Variants in GRIA3 observed in about 807,000 individuals in gnomAD.
GRIA3 encodes the protein glutamate receptor 3.
GRIA3 carries 3 observed loss-of-function variants against 63.0 expected under a neutral mutation model. The ratio of observed to expected loss-of-function variants is 0.05; its 90% CI spans 0.02 to 0.12. GRIA3 has a LOEUF of 0.12. Among genes scored for constraint, GRIA3 ranks in the 10% least tolerant of loss-of-function variants. The probability of loss-of-function intolerance (pLI) is 1.00; values close to 1 mark genes in which losing one functional copy is unlikely to be tolerated. For synonymous variants in GRIA3, 274 were observed against 257.9 expected (o/e 1.06, Z -0.60); for missense variants, 347 against 700.9 (o/e 0.50, Z 5.70).
At chrX:123,298,436 G>A (rs1349466059) in intron 3 of GRIA3, among the ~76,000 whole-genome samples, 1 of 111,371 alleles carries the variant, frequency 9.0e-6, no homozygotes, top group Admixed American at 9.5e-5. Flanking sequence ...GACTGTTGTG[G>A]CATGGTATCT....
intron 5 of GRIA3, among the ~76,000 whole-genome samples, chrX:123,372,927 C>A (rs2045257638): frequency 9.3e-6 from 1 of 107,633 alleles, no homozygotes; most frequent in African/African-American, 3.4e-5. Flanking sequence ...TACATGTGCA[C>A]AACATGCAGG....
chrX:123,208,739 G>A (rs149750202), intron 2 of GRIA3, among the ~76,000 whole-genome samples: 1 of 111,949 alleles, frequency 8.9e-6, no homozygotes, highest in African/African-American at 3.2e-5. Context: ...AACACAGCTA[G>A]TCTAAGTAGT....
chrX:123,399,033 G>T (rs774124304), intron 7 of GRIA3, among the ~76,000 whole-genome samples: 20 of 110,071 alleles, frequency 1.8e-4, no homozygotes, highest in African/African-American at 5.9e-4. Context: ...TAAATTTAGG[G>T]CAAATGAATT....
At chrX:123,199,351 C>A (rs1927665621) in intron 2 of GRIA3, among the ~76,000 whole-genome samples, 1 of 104,213 alleles carries the variant, frequency 9.6e-6, no homozygotes, top group Non-Finnish European at 2.0e-5. Context: ...TCCAGCAGGC[C>A]GAAACCTGGG....
At chrX:123,426,287 G>T (rs2045589157) in intron 11 of GRIA3, among the ~76,000 whole-genome samples, 1 of 111,924 alleles carries the variant, frequency 8.9e-6, no homozygotes, top group African/African-American at 3.2e-5. Context: ...ACACTGTGAA[G>T]GAGATGAAGT....
At chrX:123,425,087 A>G (rs943239671) in intron 11 of GRIA3, among the ~76,000 whole-genome samples, 6 of 111,926 alleles carry the variant, frequency 5.4e-5, no homozygotes, top group Non-Finnish European at 7.5e-5. Flanking sequence ...ACAACAGATA[A>G]TAAACAATAA....
chrX:123,248,340 C>T (rs1228440516), intron 2 of GRIA3, among the ~76,000 whole-genome samples: 3 of 112,519 alleles, frequency 2.7e-5, no homozygotes, highest in Non-Finnish European at 3.7e-5. Flanking sequence ...CGCAAAGTTA[C>T]GCAGCTTATG....
At chrX:123,360,833 C>CCT (rs1157595220) in intron 5 of GRIA3, among the ~76,000 whole-genome samples, 1,565 of 67,605 alleles carry the variant, frequency 0.023, 110 homozygotes, top group African/African-American at 0.084. Context: ...TTCCTTCCCT[C>CCT]CTCTCTCTCT....
chrX:123,251,206 T>C (rs1253976826), intron 2 of GRIA3, among the ~76,000 whole-genome samples: 1 of 112,073 alleles, frequency 8.9e-6, no homozygotes, highest in African/African-American at 3.2e-5. Context: ...TTATTGGATG[T>C]TATCATTATT....
At chrX:123,242,960 C>T (rs1323039109) in intron 2 of GRIA3, among the ~76,000 whole-genome samples, 1 of 112,370 alleles carries the variant, frequency 8.9e-6, no homozygotes, top group Non-Finnish European at 1.9e-5. Flanking sequence ...AAGCACTTTA[C>T]ACATATTCAT....
chrX:123,278,095 T>C (rs923706082), intron 3 of GRIA3, among the ~76,000 whole-genome samples: 4 of 112,110 alleles, frequency 3.6e-5, no homozygotes, highest in African/African-American at 9.7e-5. Flanking sequence ...CGATCACAGA[T>C]AGCCCAGATT....
At chrX:123,261,832 C>T (rs886068053) in intron 3 of GRIA3, among the ~76,000 whole-genome samples, 2 of 111,633 alleles carry the variant, frequency 1.8e-5, no homozygotes, top group East Asian at 2.8e-4. Context: ...CTCTAGCCCC[C>T]CTACAATGCA....
intron 5 of GRIA3, among the ~76,000 whole-genome samples, chrX:123,369,934 T>A (rs2045237092): frequency 9.0e-6 from 1 of 111,582 alleles, no homozygotes; most frequent in South Asian, 3.8e-4. Context: ...ACCAGCCAAC[T>A]TCTGCTCTTA....
At chrX:123,435,731 C>T (rs759500838) in intron 12 of GRIA3, among the ~76,000 whole-genome samples, 2 of 112,055 alleles carry the variant, frequency 1.8e-5, no homozygotes, top group Non-Finnish European at 3.8e-5. Flanking sequence ...TATTACATGG[C>T]TTGTTATAGT....
At chrX:123,383,733 G>T (rs1483103082) in intron 5 of GRIA3, among the ~76,000 whole-genome samples, 2 of 110,026 alleles carry the variant, frequency 1.8e-5, no homozygotes, top group Non-Finnish European at 3.8e-5. Flanking sequence ...TTGGTTCAAG[G>T]GTACATGTGC....
At chrX:123,261,211 A>G (rs1246381462) in intron 3 of GRIA3, among the ~76,000 whole-genome samples, 1 of 111,385 alleles carries the variant, frequency 9.0e-6, no homozygotes, top group Non-Finnish European at 1.9e-5. Context: ...GCTGAATATT[A>G]GTTACTGTGG....
chrX:123,417,394 T>A lies in GRIA3; in HGVS notation c.1501-8T>A, dbSNP rs139058646. ...CATATATGTTTTCTTTTTTTTCTTT[T>A]TTTTCAGAGAGCTGATATAGCTGTT... On this transcript the variant is annotated splice_polypyrimidine_tract_variant and splice_region_variant and intron_variant, in intron 10 of 15. Transcript: ENST00000620443. 9,959 of 1,195,768 alleles carry A rather than the reference T, an allele frequency of 8.3e-3. 38 individuals are homozygous for A. Among genetic ancestry groups the A allele is most frequent in the Middle Eastern group, 0.018 (78 of 4,307 alleles).
chrX:123,191,565 A>AT lies in GRIA3; in HGVS notation c.268+5579dup, dbSNP rs201301401. ...TATTTCTACCTCTTCTATTGCCATT[A>AT]TTTTCTTCTCTTGCTCTATCCGTCC... On this transcript the variant is annotated intron_variant, in intron 2 of 15. Coordinates refer to ENST00000620443, the MANE Select transcript of GRIA3 (RefSeq NM_007325.5). 4.1e-4 allele frequency among the ~76,000 whole-genome samples: 46 copies of AT among 110,856 alleles called. No individual in the cohort carries two copies. In the East Asian group the frequency reaches 0.012, roughly 28 times the overall value.
At chrX:123,184,862 G>A in intron 1 of GRIA3, 2 of 494,949 alleles carry the variant, frequency 4.0e-6, no homozygotes, top group Non-Finnish European at 7.3e-6. Flanking sequence ...ACAAGAGAGG[G>A]GTCTCCTGGG....
Sources: gnomAD v4.1 joint callset for allele counts (sites outside exome capture counted in the v4.1 genomes callset) on GRCh38, gnomAD v4.1.1 for gene constraint, MANE v1.5 for transcripts, NCBI Gene and HGNC (gene_info 2026-07-23, HGNC 2026-07-21) for gene names.